The following HDLBP variants were observed in gnomAD, a reference collection of about 807,000 sequenced individuals.
HDLBP encodes high density lipoprotein binding protein.
HDLBP carries 30 observed loss-of-function variants against 137.3 expected under a neutral mutation model. That is an observed-to-expected ratio of 0.22 (90% CI 0.16 to 0.30). The LOEUF (loss-of-function observed/expected upper bound fraction) is 0.30, where lower values mean the gene tolerates loss of function less well. Ranked by LOEUF, HDLBP falls within the 10% of genes least tolerant of loss-of-function variation. HDLBP has a pLI of 1.00. For synonymous variants in HDLBP, 606 were observed against 596.0 expected (o/e 1.02, Z -0.24); for missense variants, 1,119 against 1,667.3 (o/e 0.67, Z 5.73).
intron 11 of HDLBP, chr2:241,250,449 A>G (rs1278382144): frequency 6.4e-6 from 1 of 155,162 alleles, no homozygotes; most frequent in African/African-American, 2.4e-5. Context: ...TGCTGCCCAG[A>G]GACCCCATCT....
chr2:241,267,908 G>A (rs1457560638), intron 2 of HDLBP: 1 of 985,288 alleles, frequency 1.0e-6, no homozygotes, highest in Non-Finnish European at 1.2e-6. Flanking sequence ...AGCGGGATAT[G>A]GGCTCCGAAA....
chr2:241,254,428 G>A (rs1245672555), intron 9 of HDLBP, among the ~76,000 whole-genome samples: 1 of 151,930 alleles, frequency 6.6e-6, no homozygotes, highest in Non-Finnish European at 1.5e-5. Flanking sequence ...TTGGTAAACT[G>A]AGAACGCTTT....
rs1253136979 is a variant in HDLBP, at chr2:241,235,467, G to A, written c.3009+23C>T. On this transcript the variant is annotated intron_variant, in intron 22 of 27. Coordinates refer to ENST00000310931, the MANE Select transcript of HDLBP (RefSeq NM_005336.6). ...ATGCGACAGGCCACTCCTGTGACAT[G>A]GCCTCCCGGGAAAGGGGTCTACCTC... 1.9e-6 allele frequency: 3 copies of A among 1,583,688 alleles called. No individual in the cohort carries two copies. The South Asian group carries it at 3.3e-5, about 18-fold the overall frequency.
At chr2:241,300,019 C>T (rs1410877476) in intron 1 of HDLBP, among the ~76,000 whole-genome samples, 5 of 152,320 alleles carry the variant, frequency 3.3e-5, no homozygotes, top group East Asian at 1.9e-4. Flanking sequence ...CATATTGTCA[C>T]GATTCTAAAG....
chr2:241,266,787 C>G lies in HDLBP; in HGVS notation c.76+7G>C. On this transcript the variant is annotated splice_region_variant and intron_variant, in intron 3 of 27. Transcript: ENST00000310931. Reference sequence around the variant, plus strand: ...TTACCAGGAAGAGCACATAAAAGGGCTGTCACCTTTGATTTGTTGCGGAAC... The same window carrying G: ...TTACCAGGAAGAGCACATAAAAGGGGTGTCACCTTTGATTTGTTGCGGAAC... 1 of 1,567,696 alleles carries G rather than the reference C, an allele frequency of 6.4e-7. No individual in the cohort carries two copies. The highest frequency in any genetic ancestry group is 1.1e-5 in the South Asian group (1 of 90,196).
In HDLBP at chr2:241,230,161, C is replaced by G. The variant is rs1283414299; in HGVS notation, c.3583G>C (p.Glu1195Gln). 1.9e-6 allele frequency: 3 copies of G among 1,612,480 alleles called. No homozygotes were observed. The African/African-American group carries it at 4.0e-5, about 22-fold the overall frequency. ...GGCCCACAGAGACTCACGTATTCCTCCTCCAGATTGAGGATGTGGTCGATG... is the reference window on the plus strand; with the variant it reads ...GGCCCACAGAGACTCACGTATTCCTGCTCCAGATTGAGGATGTGGTCGATG... ...EAIDHILNLE[E>Q]EYLADVVDSE... Residue 1195 changes from glutamate to glutamine, a missense_variant, in exon 26 of 28, where the codon GAG (glutamate) becomes CAG (glutamine). Glu to Gln is a conservative substitution (Grantham distance 29). This residue lies in a region of HDLBP where 618 missense variants were observed against 816.7 expected (regional missense o/e 0.76). Coordinates refer to ENST00000310931, the MANE Select transcript of HDLBP (RefSeq NM_005336.6). This position sits in a 1 kb window ranked among gnomAD's most constrained non-coding sequence, Gnocchi z 5.0.
chr2:241,241,011 G>A (rs576726669), intron 17 of HDLBP, among the ~76,000 whole-genome samples: 1 of 152,244 alleles, frequency 6.6e-6, no homozygotes, highest in Admixed American at 6.5e-5. Flanking sequence ...TAGAGACTCT[G>A]CTACTTTTCA....
In HDLBP at chr2:241,248,102, A is replaced by G. The variant is rs955476575; in HGVS notation, c.1632T>C (p.Phe544=). ...TGTCACTTTTTTGTGCTGGGTCTGG[A>G]AAGTTAATGATGACCTAGAACAAAT... ...RDKFPEVIIN[F]PDPAQKSDIV... The change falls in exon 14 of 28, where the codon TTT becomes TTC. Residue 544 remains phenylalanine (F), a synonymous_variant. Transcript: ENST00000310931. 1.2e-6 allele frequency: 2 copies of G among 1,613,694 alleles called. No homozygotes were observed. Among genetic ancestry groups the G allele is most frequent in the African/African-American group, 1.3e-5 (1 of 74,920 alleles).
Position 241,229,440 on chromosome 2 carries a change from C to T in HDLBP, c.*161G>A, listed in dbSNP as rs1449337262. The T allele has an allele frequency of 5.1e-6, 3 of 593,658 alleles. No homozygotes were observed. In the African/African-American group the frequency reaches 5.6e-5, roughly 11 times the overall value. 36.8% of individuals were successfully genotyped at this position (593,658 alleles called of 1,614,324 possible). On this transcript the variant is annotated 3_prime_UTR_variant, in exon 28 of 28. Coordinates refer to ENST00000310931, the MANE Select transcript of HDLBP (RefSeq NM_005336.6). Reference sequence around the variant, plus strand: ...GGCACGGCCAGGCCTGGAGGAGCGGCCGCACACACAGCCAGGCGCTAGGCT... The same window carrying T: ...GGCACGGCCAGGCCTGGAGGAGCGGTCGCACACACAGCCAGGCGCTAGGCT...
intron 4 of HDLBP, 28 bp downstream of exon 4, chr2:241,264,419 AT>A: frequency 6.5e-7 from 1 of 1,532,702 alleles, no homozygotes; most frequent in Non-Finnish European, 8.9e-7. Context: ...ACATGATAAA[AT>A]TTTTAAAAGA....
At chr2:241,283,695 C>T (rs193252691) in intron 1 of HDLBP, among the ~76,000 whole-genome samples, 10 of 152,098 alleles carry the variant, frequency 6.6e-5, no homozygotes, top group African/African-American at 1.7e-4. Flanking sequence ...AGGATGGTCT[C>T]GATCTCCTGA....
intron 3 of HDLBP, 195 bp downstream of exon 3, chr2:241,266,599 T>C: frequency 1.8e-6 from 1 of 563,250 alleles, no homozygotes; most frequent in Non-Finnish European, 3.2e-6. Flanking sequence ...CTGTACTTGA[T>C]TCATTTCCTC....
At position 241,255,069 on chromosome 2, in the gene HDLBP, G is replaced by A; in HGVS notation, c.1170C>T (p.Ile390=). 2 of 1,613,414 alleles carry A rather than the reference G, an allele frequency of 1.2e-6. No individual in the cohort carries two copies. The highest frequency in any genetic ancestry group is 1.7e-6 in the Non-Finnish European group (2 of 1,179,330). ...TCCTTACCTTTGGCATCTGCTGAGT[G>A]ATTTTGGCCAGGTTCTGCCCTTTCT... ...IGKKGQNLAK[I]TQQMPKVHIE... The change falls in exon 9 of 28, where the codon ATC becomes ATT. Residue 390 remains isoleucine (I), a synonymous_variant. Coordinates refer to ENST00000310931, the MANE Select transcript of HDLBP (RefSeq NM_005336.6).
chr2:241,276,233 A>G (rs1056338273), intron 1 of HDLBP, among the ~76,000 whole-genome samples: 1 of 152,172 alleles, frequency 6.6e-6, no homozygotes, highest in Admixed American at 6.5e-5. Flanking sequence ...TTAAAAATTT[A>G]AAGACAATCT....
chr2:241,308,619 G>T (rs1282525096), intron 1 of HDLBP, among the ~76,000 whole-genome samples: 2 of 152,110 alleles, frequency 1.3e-5, no homozygotes, highest in Admixed American at 6.5e-5. Context: ...ACTGTTTTGC[G>T]GGGTATGCAG....
chr2:241,272,623 G>T lies in HDLBP; in HGVS notation c.-102-4082C>A. The T allele has an allele frequency of 1.0e-6, 1 of 980,070 alleles. No individual in the cohort carries two copies. The highest frequency in any genetic ancestry group is 1.2e-6 in the Non-Finnish European group (1 of 826,404). The allele number at this position is 980,070 out of a possible 1,614,324, so 60.7% of individuals were successfully genotyped here. A position where few individuals can be genotyped will look rare whatever the true frequency, so the allele number is the denominator to read the frequency against. On this transcript the variant is annotated intron_variant, in intron 1 of 27. Transcript: ENST00000310931. The surrounding 1 kb of genome is among the most constrained non-coding windows in gnomAD (Gnocchi z 5.6). ...GGCGGGGGCCGCAGCCTGGGGCCCGGGTGGGGGCCGCGGCACCCGGGCCCC... is the reference window on the plus strand; with the variant it reads ...GGCGGGGGCCGCAGCCTGGGGCCCGTGTGGGGGCCGCGGCACCCGGGCCCC...
intron 14 of HDLBP, among the ~76,000 whole-genome samples, chr2:241,247,781 C>A (rs937704999): frequency 6.6e-6 from 1 of 152,128 alleles, no homozygotes; most frequent in Non-Finnish European, 1.5e-5. Context: ...ACCTGAATTC[C>A]ACAAACACTG....
chr2:241,239,578 C>A lies in HDLBP; in HGVS notation c.2610+24G>T. The A allele has an allele frequency of 6.2e-7, 1 of 1,603,298 alleles. No individual in the cohort carries two copies. Among genetic ancestry groups the A allele is most frequent in the East Asian group, 2.2e-5 (1 of 44,818 alleles). On this transcript the variant is annotated intron_variant, in intron 19 of 27. Transcript: ENST00000310931. The surrounding 1 kb of genome is among the most constrained non-coding windows in gnomAD (Gnocchi z 4.6). Reference sequence around the variant, plus strand: ...AGTGGCCACTGGGGGGTGAGAACCCCTCCCCGAGCACCCAAGTGCCTACCA... The same window carrying A: ...AGTGGCCACTGGGGGGTGAGAACCCATCCCCGAGCACCCAAGTGCCTACCA...
intron 1 of HDLBP, among the ~76,000 whole-genome samples, chr2:241,276,166 C>A (rs972772537): frequency 3.9e-5 from 6 of 152,110 alleles, no homozygotes; most frequent in African/African-American, 1.4e-4. Context: ...TTTCAAGATT[C>A]TTATTATTTG....
Sources: allele counts gnomAD v4.1 joint callset (sites outside exome capture counted in the v4.1 genomes callset), GRCh38; gene constraint gnomAD v4.1.1; regional missense constraint gnomAD v4.1.1; non-coding constraint Gnocchi (gnomAD v3.1); transcripts MANE v1.5; gene names NCBI Gene and HGNC (gene_info 2026-07-23, HGNC 2026-07-21).